Variants in B9D1 observed in about 807,000 individuals in gnomAD.
B9D1 encodes the protein B9 domain containing 1.
B9D1 carries 20 observed loss-of-function variants against 26.1 expected under a neutral mutation model. That is an observed-to-expected ratio of 0.77 (90% CI 0.54 to 1.12). B9D1 has a LOEUF of 1.12. Among genes scored for constraint, B9D1 ranks in the 50% most tolerant of loss-of-function variants. The pLI is 0.00. For synonymous variants in B9D1, 105 were observed against 103.1 expected, an observed-to-expected ratio of 1.02 and a Z score of -0.11; for missense variants, 260 against 273.7, an observed-to-expected ratio of 0.95 and a Z score of 0.35.
intron 5 of B9D1, 37 bp from the exon 6 acceptor site, chr17:19,343,894 A>C: frequency 6.2e-7 from 1 of 1,613,004 alleles, no homozygotes; most frequent in Non-Finnish European, 8.5e-7. Flanking sequence ...GCAGGGCCCC[A>C]CCTGGGCATT....
chr17:19,341,200 G>A, downstream of B9D1: 4 of 1,231,614 alleles, frequency 3.2e-6, no homozygotes, highest in Non-Finnish European at 4.0e-6. Flanking sequence ...CCTGAGGCTT[G>A]TACGTGCACA....
At chr17:19,342,725 T>C (rs906599695), downstream of B9D1, among the ~76,000 whole-genome samples, 10 of 152,026 alleles carry the variant, frequency 6.6e-5, no homozygotes, top group Non-Finnish European at 1.2e-4. Context: ...TCTGAGAGGT[T>C]TCCAGCCCCC....
chr17:19,337,717 C>CT, downstream of B9D1: 2 of 1,534,758 alleles, frequency 1.3e-6, no homozygotes, highest in Non-Finnish European at 1.7e-6. Flanking sequence ...TCTTGAAACA[C>CT]TGCTATCTTT....
At chr17:19,336,639 C>T (rs1367294271), downstream of B9D1, 3 of 152,708 alleles carry the variant, frequency 2.0e-5, no homozygotes, top group East Asian at 1.9e-4. Context: ...TCCCAGAGGC[C>T]GGTGGCTGGT....
chr17:19,373,386 C>T (rs1217714218), intron 1 of B9D1, among the ~76,000 whole-genome samples: 1 of 151,342 alleles, frequency 6.6e-6, no homozygotes, highest in African/African-American at 2.4e-5. Context: ...TTATATACCT[C>T]TTTTTTTTAC....
downstream of B9D1, chr17:19,337,534 A>G (rs1392226967): frequency 1.8e-6 from 1 of 570,936 alleles, no homozygotes; most frequent in African/African-American, 1.9e-5. Flanking sequence ...ACTCAGAGCT[A>G]GGAGGCTAGG....
downstream of B9D1, among the ~76,000 whole-genome samples, chr17:19,339,336 G>C (rs1170360753): frequency 2.6e-5 from 4 of 152,012 alleles, no homozygotes; most frequent in Non-Finnish European, 5.9e-5. Context: ...CATCCTATCT[G>C]GCCTGTCCCT....
intron 1 of B9D1, among the ~76,000 whole-genome samples, chr17:19,368,325 C>A (rs1410951495): frequency 2.0e-5 from 3 of 152,228 alleles, no homozygotes; most frequent in Non-Finnish European, 4.4e-5. Flanking sequence ...GTGACTCGGG[C>A]TAGGCATGCC....
chr17:19,343,359 C>G lies in B9D1; in HGVS notation c.575G>C (p.Gly192Ala), dbSNP rs757604145. 1.9e-6 allele frequency: 3 copies of G among 1,614,044 alleles called. No individual in the cohort carries two copies. The highest frequency in any genetic ancestry group is 2.5e-6 in the Non-Finnish European group (3 of 1,180,024). The change falls in exon 7 of 7, where the codon GGT (glycine) becomes GCT (alanine). Residue 192 changes from glycine to alanine, a missense_variant. Gly to Ala is a moderately conservative substitution (Grantham distance 60). Coordinates refer to ENST00000261499, the MANE Select transcript of B9D1 (RefSeq NM_015681.6). ...GYDTGPSDTQ[G>A]VLGPSPPQSF... ...CTGGGGTGGGCTGGGCCCCAACACA[C>G]CCTGTGTATCAGAAGGCCCAGTGTC... is the stretch of plus-strand genomic sequence containing the variant.
rs765942852 is a variant in B9D1, at chr17:19,343,860, G to C, written c.405-3C>G. ...CGGGCCGCCGCCCCATGAACCAGCT[G>C]GGAACACAGAAGAACACAGGTGAGC... On this transcript the variant is annotated splice_region_variant and splice_polypyrimidine_tract_variant and intron_variant, in intron 5 of 6. Transcript: ENST00000261499. The C allele has an allele frequency of 6.2e-7, 1 of 1,613,892 alleles. No individual in the cohort carries two copies. Among genetic ancestry groups the C allele is most frequent in the East Asian group, 2.2e-5 (1 of 44,876 alleles).
Position 19,349,391 on chromosome 17 carries a change from A to ATT in B9D1, c.245-1513_245-1512dup, listed in dbSNP as rs58094833. Among the ~76,000 whole-genome samples the ATT allele has an allele frequency of 1.5e-3, 227 of 146,650 alleles. 1 individual carries two copies. The highest frequency in any genetic ancestry group is 2.5e-3 in the African/African-American group (98 of 39,882). On this transcript the variant is annotated intron_variant, in intron 3 of 6. Coordinates refer to ENST00000261499, the MANE Select transcript of B9D1 (RefSeq NM_015681.6). ...TTTTTCTTTTTTCTTCATTAAAAACATTTTTTTTTTTTGAGACAGGGTCTT... is the reference window on the plus strand; with the variant it reads ...TTTTTCTTTTTTCTTCATTAAAAACATTTTTTTTTTTTTTGAGACAGGGTCTT...
rs1911942456 is a variant in B9D1 at position 19,372,508 on chromosome 17, C to A, written c.-298+5351G>T. On this transcript the variant is annotated intron_variant, in intron 1 of 5. Transcript: ENST00000477478. This position sits in a 1 kb window ranked among gnomAD's most constrained non-coding sequence, Gnocchi z 4.4. ...TGCCCCCACTGTCCCTCTGCTGCCG[C>A]ATGCTCGTCTATTAGGTCCTGACTT... 6.6e-6 allele frequency among the ~76,000 whole-genome samples: 1 copy of A among 152,234 alleles called. No individual in the cohort carries two copies. Among genetic ancestry groups the A allele is most frequent in the African/African-American group, 2.4e-5 (1 of 41,464 alleles).
At chr17:19,361,817 T>C (rs1911112988) in intron 1 of B9D1, among the ~76,000 whole-genome samples, 1 of 152,120 alleles carries the variant, frequency 6.6e-6, no homozygotes, top group Admixed American at 6.5e-5. Context: ...CAGATAGGCG[T>C]GGGTTCAATT....
In B9D1 at chr17:19,343,395, T is replaced by G; in HGVS notation, c.539A>C (p.Lys180Thr). The G allele has an allele frequency of 6.2e-7, 1 of 1,614,130 alleles. No homozygotes were observed. Among genetic ancestry groups the G allele is most frequent in the South Asian group, 1.1e-5 (1 of 91,078 alleles). The stretch of plus-strand genomic sequence containing the variant: ...AGAAGGCCCAGTGTCATAGCCCAGT[T>G]TCCTCATGTCCTTGGTCACCACGTT... ...LFNVVTKDMR[K>T]LGYDTGPSDT... Residue 180 changes from lysine (K) to threonine (T), a missense_variant, in exon 7 of 7, where the codon AAA becomes ACA. Physicochemically the swap from Lys to Thr is moderately conservative, Grantham distance 78 (BLOSUM62 -1). Coordinates refer to ENST00000261499, the MANE Select transcript of B9D1 (RefSeq NM_015681.6).
chr17:19,369,476 C>T (rs921082762), intron 1 of B9D1, among the ~76,000 whole-genome samples: 2 of 152,104 alleles, frequency 1.3e-5, no homozygotes, highest in Admixed American at 6.5e-5. Context: ...GAAAACGGGA[C>T]GTGCTACTTT....
chr17:19,340,360 C>T (rs943993891), downstream of B9D1, among the ~76,000 whole-genome samples: 22 of 151,552 alleles, frequency 1.5e-4, no homozygotes, highest in African/African-American at 4.1e-4. Context: ...TTAGTAGAGA[C>T]GGGGTTTCAC....
chr17:19,357,925 G>C lies in B9D1; in HGVS notation c.159C>G (p.Ile53Met). ...TAGLEEGISQITSKSQDVRQA... is the reference protein window; with the variant it reads ...TAGLEEGISQMTSKSQDVRQA... ...GCCGCACATCTTGGCTCTTGGATGT[G>C]ATCTGTGAGATCCCCTCCTCCAGAC... Residue 53 changes from isoleucine (I) to methionine (M), a missense_variant, in exon 3 of 7, where the codon ATC (isoleucine) becomes ATG (methionine). Coordinates refer to ENST00000261499, the MANE Select transcript of B9D1 (RefSeq NM_015681.6). 1.2e-6 allele frequency: 2 copies of C among 1,614,080 alleles called. No homozygotes were observed. Among genetic ancestry groups the C allele is most frequent in the Non-Finnish European group, 1.7e-6 (2 of 1,179,966 alleles).
rs557137580 is a variant in B9D1, at chr17:19,348,958, G to A, written c.245-1078C>T. Among the ~76,000 whole-genome samples, 402 of 152,210 alleles carry A rather than the reference G, an allele frequency of 2.6e-3. 4 individuals carry two copies. Among genetic ancestry groups the A allele is most frequent in the Non-Finnish European group, 4.1e-3 (280 of 68,006 alleles). ...GGGCTGCCCTTCCTCTGGGGGCCAC[G>A]CACCCAGTGCTGAGCACCATGGCGC... On this transcript the variant is annotated intron_variant, in intron 3 of 6. Coordinates refer to ENST00000261499, the MANE Select transcript of B9D1 (RefSeq NM_015681.6).
chr17:19,335,466 T>C, downstream of B9D1: 2 of 1,550,016 alleles, frequency 1.3e-6, no homozygotes, highest in Non-Finnish European at 1.7e-6. Context: ...GAAACATCTT[T>C]AACCTTGTGT....
Sources: gnomAD v4.1 joint callset for allele counts (sites outside exome capture counted in the v4.1 genomes callset) on GRCh38, gnomAD v4.1.1 for gene constraint, Gnocchi (gnomAD v3.1) non-coding constraint, MANE v1.5 for transcripts, NCBI Gene and HGNC (gene_info 2026-07-23, HGNC 2026-07-21) for gene names.